SYN3: variants seen among roughly 807,000 people sequenced by gnomAD.
The protein encoded by SYN3 is synapsin III.
SYN3 carries 35 observed loss-of-function variants against 65.8 expected under a neutral mutation model. That is an observed-to-expected ratio of 0.53 (90% CI 0.41 to 0.70). The LOEUF (loss-of-function observed/expected upper bound fraction) is 0.70, where lower values mean the gene tolerates loss of function less well. SYN3 is among the 30% of genes least tolerant of loss of function. The pLI is 0.00. For synonymous variants in SYN3, 270 were observed against 292.9 expected, an observed-to-expected ratio of 0.92 and a Z score of 0.80; for missense variants, 680 against 749.0, an observed-to-expected ratio of 0.91 and a Z score of 1.08.
chr22:32,640,434 GCT>G (rs2059879287), intron 6 of SYN3, among the ~76,000 whole-genome samples: 1 of 152,160 alleles, frequency 6.6e-6, no homozygotes, highest in African/African-American at 2.4e-5. Context: ...ATGACTTTAA[GCT>G]CCTAGGCCAG....
chr22:32,835,549 G>A (rs1254691132), intron 6 of SYN3, among the ~76,000 whole-genome samples: 1 of 152,144 alleles, frequency 6.6e-6, no homozygotes, highest in Non-Finnish European at 1.5e-5. Flanking sequence ...GCAGTTGATG[G>A]GTAATGGGGA....
At chr22:32,981,310 G>T (rs1481897647) in intron 2 of SYN3, among the ~76,000 whole-genome samples, 1 of 150,898 alleles carries the variant, frequency 6.6e-6, no homozygotes, top group African/African-American at 2.4e-5. Flanking sequence ...TACAGGCCGG[G>T]CGCTGTGGCT....
intron 6 of SYN3, among the ~76,000 whole-genome samples, chr22:32,792,583 T>C (rs192306609): frequency 1.0e-3 from 157 of 152,296 alleles, no homozygotes; most frequent in Non-Finnish European, 7.5e-4. Flanking sequence ...AAATTTCCTA[T>C]GGCATCTATC....
At chr22:32,988,442 T>C (rs1344769154) in intron 2 of SYN3, among the ~76,000 whole-genome samples, 1 of 151,882 alleles carries the variant, frequency 6.6e-6, no homozygotes, top group Admixed American at 6.6e-5. Context: ...TGGACTTCAG[T>C]TGGTAGAAAA....
At chr22:32,570,532 G>C (rs1318347758) in intron 7 of SYN3, among the ~76,000 whole-genome samples, 2 of 151,804 alleles carry the variant, frequency 1.3e-5, no homozygotes, top group Non-Finnish European at 2.9e-5. Flanking sequence ...GGTAGATCTG[G>C]GAGTAGGGAA....
intron 12 of SYN3, among the ~76,000 whole-genome samples, chr22:32,521,736 G>A (rs1311702890): frequency 3.3e-5 from 5 of 152,080 alleles, no homozygotes; most frequent in Non-Finnish European, 5.9e-5. Flanking sequence ...GTGAGTCACC[G>A]CGCCCAGCTC....
chr22:32,752,596 G>T (rs142477391), intron 6 of SYN3, among the ~76,000 whole-genome samples: 1 of 152,204 alleles, frequency 6.6e-6, no homozygotes, highest in Non-Finnish European at 1.5e-5. Flanking sequence ...GCCGCGTGCC[G>T]GGGCTCTGCT....
At chr22:32,653,658 G>T (rs117350922) in intron 6 of SYN3, among the ~76,000 whole-genome samples, 2 of 152,090 alleles carry the variant, frequency 1.3e-5, no homozygotes, top group Admixed American at 1.3e-4. Flanking sequence ...AAAAGTTGGG[G>T]GTCAGGAGGT....
intron 7 of SYN3, among the ~76,000 whole-genome samples, chr22:32,588,497 T>C (rs981821980): frequency 2.0e-5 from 3 of 152,254 alleles, no homozygotes; most frequent in Non-Finnish European, 4.4e-5. Flanking sequence ...CTGAGATAAA[T>C]GGTTAAGTAA....
At chr22:33,003,241 A>G (rs563816075) in intron 2 of SYN3, among the ~76,000 whole-genome samples, 1 of 152,316 alleles carries the variant, frequency 6.6e-6, no homozygotes, top group South Asian at 2.1e-4. Context: ...CTGTAAAGAT[A>G]CCCAAAAATG....
rs1363105000 is a variant in SYN3 at position 32,509,180 on chromosome 22, A to C, written c.*4512T>G. 6.6e-6 allele frequency among the ~76,000 whole-genome samples: 1 copy of C among 152,188 alleles called. No homozygotes were observed. Among genetic ancestry groups the C allele is most frequent in the Non-Finnish European group, 1.5e-5 (1 of 68,022 alleles). ...TCGCGCTGACGGGAGGAAGATCTGG[A>C]AGAACTTTTCTGTGGCTGGTAGAGC... On this transcript the variant is annotated 3_prime_UTR_variant, in exon 14 of 14. Coordinates refer to ENST00000358763, the MANE Select transcript of SYN3 (RefSeq NM_003490.4).
intron 1 of SYN3, among the ~76,000 whole-genome samples, 200 bp from the exon 2 acceptor site, chr22:33,007,024 A>T (rs1472464537): frequency 1.3e-5 from 2 of 152,234 alleles, no homozygotes; most frequent in African/African-American, 2.4e-5. Flanking sequence ...GCAAAGAAAG[A>T]TTCTAAGTTA....
intron 6 of SYN3, among the ~76,000 whole-genome samples, chr22:32,682,493 C>G (rs757307678): frequency 6.6e-6 from 1 of 152,048 alleles, no homozygotes; most frequent in South Asian, 2.1e-4. Flanking sequence ...AGATGTAGGA[C>G]GACTCATCCC....
Position 32,508,480 on chromosome 22 carries a change from C to T in SYN3, c.*5212G>A, listed in dbSNP as rs1008374577. On this transcript the variant is annotated 3_prime_UTR_variant, in exon 14 of 14. Transcript: ENST00000358763. The stretch of plus-strand genomic sequence containing the variant: ...GCTCACACAAAGCCTGTTTAGTGGT[C>T]TCTTCACACAGACGCGCATGAAAGG... Among the ~76,000 whole-genome samples, 2 of 152,184 alleles carry T rather than the reference C, an allele frequency of 1.3e-5. No individual in the cohort carries two copies. Among genetic ancestry groups the T allele is most frequent in the Non-Finnish European group, 2.9e-5 (2 of 68,036 alleles).
At chr22:32,558,626 T>C (rs1412135526) in intron 7 of SYN3, among the ~76,000 whole-genome samples, 1 of 152,268 alleles carries the variant, frequency 6.6e-6, no homozygotes, top group Non-Finnish European at 1.5e-5. Flanking sequence ...CAGTGACAGA[T>C]GGGCTTGAGC....
intron 6 of SYN3, among the ~76,000 whole-genome samples, chr22:32,614,475 C>A (rs2059487730): frequency 6.6e-6 from 1 of 152,176 alleles, no homozygotes; most frequent in Admixed American, 6.5e-5. Flanking sequence ...GCTGCCAAGA[C>A]CCCCAGTTTT....
chr22:32,576,355 G>C (rs2146459661), intron 7 of SYN3, among the ~76,000 whole-genome samples: 1 of 152,264 alleles, frequency 6.6e-6, no homozygotes, highest in East Asian at 1.9e-4. Flanking sequence ...TCGCTTGTCT[G>C]AGCTTCAGTT....
chr22:32,645,679 T>C (rs2059973628), intron 6 of SYN3, among the ~76,000 whole-genome samples: 1 of 152,230 alleles, frequency 6.6e-6, no homozygotes, highest in Non-Finnish European at 1.5e-5. Flanking sequence ...GCTCTGTGGC[T>C]ACTGCTTTGG....
intron 6 of SYN3, among the ~76,000 whole-genome samples, chr22:32,748,065 C>A (rs1301844010): frequency 6.6e-6 from 1 of 152,178 alleles, no homozygotes; most frequent in South Asian, 2.1e-4. Context: ...TGGGGTCAAA[C>A]AAAGCCAGGT....
Sources: allele counts gnomAD v4.1 joint callset (sites outside exome capture counted in the v4.1 genomes callset), GRCh38; gene constraint gnomAD v4.1.1; transcripts MANE v1.5; gene names NCBI Gene and HGNC (gene_info 2026-07-23, HGNC 2026-07-21).